TAFA2: variants seen among roughly 807,000 people sequenced by gnomAD.
TAFA2 encodes TAFA chemokine like family member 2.
A neutral mutation model predicts 18.8 loss-of-function variants in TAFA2; 7 were observed. The ratio of observed to expected loss-of-function variants is 0.37; its 90% CI spans 0.21 to 0.70. TAFA2 has a LOEUF of 0.70. Ranked by LOEUF, TAFA2 falls within the 30% of genes least tolerant of loss-of-function variation. The pLI is 0.53. For synonymous variants in TAFA2, 60 were observed against 54.2 expected, an observed-to-expected ratio of 1.11 and a Z score of -0.47; for missense variants, 122 against 158.1, an observed-to-expected ratio of 0.77 and a Z score of 1.23.
chr12:61,862,803 C>T (rs1016427989), intron 2 of TAFA2, among the ~76,000 whole-genome samples: 14 of 152,126 alleles, frequency 9.2e-5, no homozygotes, highest in Admixed American at 5.9e-4. Flanking sequence ...TAGATCTTAC[C>T]CAAAGGGCTA....
intron 1 of TAFA2, among the ~76,000 whole-genome samples, chr12:62,023,493 T>C (rs1881213390): frequency 6.6e-6 from 1 of 151,944 alleles, no homozygotes; most frequent in African/African-American, 2.4e-5. Context: ...TAAAATCAGA[T>C]AAAACAAAGA....
chr12:62,012,413 A>C (rs61941035), intron 1 of TAFA2, among the ~76,000 whole-genome samples: 2 of 3,806 alleles, frequency 5.3e-4, no homozygotes, highest in Non-Finnish European at 1.6e-3. Context: ...TTCAGCATTT[A>C]AAAAAAAAAA....
intron 1 of TAFA2, among the ~76,000 whole-genome samples, chr12:61,921,265 T>G (rs1877041565): frequency 6.6e-6 from 1 of 152,102 alleles, no homozygotes; most frequent in Non-Finnish European, 1.5e-5. Flanking sequence ...AGTGAGCCAC[T>G]TAGGAGACGA....
intron 1 of TAFA2, among the ~76,000 whole-genome samples, chr12:62,074,278 C>T (rs1053961858): frequency 5.9e-5 from 9 of 152,172 alleles, no homozygotes; most frequent in African/African-American, 2.2e-4. Context: ...GTTTTTCCAG[C>T]AAATATCATT....
chr12:61,754,751 A>G (rs1869181989), intron 3 of TAFA2, 121 bp downstream of exon 3: 1 of 952,224 alleles, frequency 1.1e-6, no homozygotes, highest in African/African-American at 1.6e-5. Flanking sequence ...GTTTCAACTT[A>G]TCATGGTATT....
intron 2 of TAFA2, among the ~76,000 whole-genome samples, chr12:61,861,982 G>A (rs1007366085): frequency 5.3e-5 from 8 of 151,676 alleles, no homozygotes; most frequent in Non-Finnish European, 1.0e-4. Context: ...CCTTTTTTTC[G>A]TGGGTATAAC....
At chr12:62,123,671 A>G (rs1304313298) in intron 1 of TAFA2, among the ~76,000 whole-genome samples, 1 of 61,716 alleles carries the variant, frequency 1.6e-5, no homozygotes, top group Non-Finnish European at 3.2e-5. Context: ...TCTTCATTCT[A>G]CTTTCTCCCT....
chr12:61,851,776 A>T (rs1321662480), intron 2 of TAFA2, among the ~76,000 whole-genome samples: 3 of 47,594 alleles, frequency 6.3e-5, no homozygotes, highest in Non-Finnish European at 1.2e-4. Context: ...CTCCATCTCA[A>T]AAAAAAAAAA....
chr12:62,030,775 T>TTTGTTG (rs142952343), intron 1 of TAFA2, among the ~76,000 whole-genome samples: 1 of 151,728 alleles, frequency 6.6e-6, no homozygotes, highest in African/African-American at 2.4e-5. Context: ...GAAACAGAGG[T>TTTGTTG]TTGTTGTTGT....
At chr12:62,133,943 T>C (rs1870790019) in intron 1 of TAFA2, among the ~76,000 whole-genome samples, 1 of 151,994 alleles carries the variant, frequency 6.6e-6, no homozygotes, top group Admixed American at 6.6e-5. Flanking sequence ...TTCTACCTGC[T>C]CACCTCTCTA....
Position 61,785,822 on chromosome 12 carries a change from AT to A in TAFA2, c.107-30799del, listed in dbSNP as rs1311945553. On this transcript the variant is annotated intron_variant, in intron 2 of 4. Coordinates refer to ENST00000416284, the MANE Select transcript of TAFA2 (RefSeq NM_178539.5). ...GACACATTTCTCAAAATGTATCCTC[AT>A]TGTTAAGTGATTCATGACTGTAATT... Among the ~76,000 whole-genome samples the A allele has an allele frequency of 2.6e-5, 4 of 151,624 alleles. No homozygotes were observed. The Admixed American group carries it at 2.6e-4, about 10-fold the overall frequency.
At chr12:61,879,414 C>G in intron 1 of TAFA2, 1 of 705,944 alleles carries the variant, frequency 1.4e-6, no homozygotes, top group Non-Finnish European at 2.6e-6. Context: ...CCGGTGCCCC[C>G]ATCAGCTCCT....
At chr12:62,234,600 T>C in intron 1 of TAFA2, 1 of 823,786 alleles carries the variant, frequency 1.2e-6, no homozygotes. Flanking sequence ...ACCTTTCCCG[T>C]TGCACAAATA....
At position 62,040,632 on chromosome 12, in the gene TAFA2, A is replaced by AT. The variant is rs1881732198; in HGVS notation, c.-2+150626dup. Among the ~76,000 whole-genome samples the AT allele has an allele frequency of 2.6e-5, 4 of 152,234 alleles. No individual in the cohort carries two copies. In the South Asian group the frequency reaches 8.3e-4, roughly 32 times the overall value. ...GAGAACATGGCTGTGCAACACCTTG[A>AT]TTTTGAACTTCTGGCCTCCAGAACT... On this transcript the variant is annotated intron_variant, in intron 1 of 4. Coordinates refer to ENST00000416284, the MANE Select transcript of TAFA2 (RefSeq NM_178539.5).
intron 1 of TAFA2, among the ~76,000 whole-genome samples, chr12:61,903,683 T>C (rs899084036): frequency 6.6e-6 from 1 of 152,182 alleles, no homozygotes; most frequent in Non-Finnish European, 1.5e-5. Context: ...TTTAAAATAT[T>C]GGATAAATTG....
intron 2 of TAFA2, among the ~76,000 whole-genome samples, chr12:61,808,096 T>C (rs914059594): frequency 2.0e-5 from 3 of 151,672 alleles, no homozygotes; most frequent in Non-Finnish European, 4.4e-5. Context: ...ATATGGTTTG[T>C]CTGTGTTCCC....
At chr12:61,761,312 A>T (rs188300735) in intron 2 of TAFA2, among the ~76,000 whole-genome samples, 8 of 152,222 alleles carry the variant, frequency 5.3e-5, no homozygotes, top group African/African-American at 1.4e-4. Context: ...ATAGATTTTT[A>T]AAAATTATAC....
intron 1 of TAFA2, among the ~76,000 whole-genome samples, chr12:62,183,545 G>A (rs540187950): frequency 1.9e-4 from 29 of 152,126 alleles, no homozygotes; most frequent in East Asian, 1.6e-3. Flanking sequence ...CACCATGCCC[G>A]GCTGATTTTT....
intron 1 of TAFA2, among the ~76,000 whole-genome samples, chr12:61,923,788 C>T (rs923880886): frequency 2.6e-5 from 4 of 151,862 alleles, no homozygotes; most frequent in African/African-American, 9.7e-5. Context: ...TAACAAACTC[C>T]TCCGAGCTAA....
Sources: allele counts gnomAD v4.1 joint callset (sites outside exome capture counted in the v4.1 genomes callset), GRCh38; gene constraint gnomAD v4.1.1; transcripts MANE v1.5; gene names NCBI Gene and HGNC (gene_info 2026-07-23, HGNC 2026-07-21).